The following BBS9 variants were observed in gnomAD, a reference collection of about 807,000 sequenced individuals.
BBS9 encodes the protein Bardet-Biedl syndrome 9, also known as protein PTHB1.
In BBS9, 89 loss-of-function variants were observed where a neutral mutation model predicts 117.7. The ratio of observed to expected loss-of-function variants is 0.76; its 90% CI spans 0.64 to 0.90. The LOEUF is 0.90. Ranked by LOEUF, BBS9 falls within the 40% of genes least tolerant of loss-of-function variation. The pLI is 0.00. For missense variants in BBS9, 982 were observed against 1,042.2 expected (o/e 0.94, Z 0.80); for synonymous variants, 379 against 370.9 (o/e 1.02, Z -0.25).
At chr7:33,521,714 T>C (rs1211779699) in intron 20 of BBS9, among the ~76,000 whole-genome samples, 1 of 152,136 alleles carries the variant, frequency 6.6e-6, no homozygotes, top group African/African-American at 2.4e-5. Context: ...TATTTTATTT[T>C]CTATTTTACA....
intron 20 of BBS9, among the ~76,000 whole-genome samples, chr7:33,506,834 C>T (rs1314180284): frequency 1.3e-5 from 2 of 152,034 alleles, no homozygotes; most frequent in African/African-American, 2.4e-5. Flanking sequence ...AGGTGATTGA[C>T]AAAATTGCGA....
chr7:33,569,360 A>G (rs929409750), intron 21 of BBS9, among the ~76,000 whole-genome samples: 13 of 150,690 alleles, frequency 8.6e-5, no homozygotes, highest in African/African-American at 2.4e-4. Context: ...ATCAAACTCA[A>G]TCAGAGGTTG....
chr7:33,516,187 G>A (rs1208776324), intron 20 of BBS9, among the ~76,000 whole-genome samples: 1 of 152,026 alleles, frequency 6.6e-6, no homozygotes, highest in Non-Finnish European at 1.5e-5. Context: ...GGGGAGAAAT[G>A]TCCTATAATT....
intron 19 of BBS9, among the ~76,000 whole-genome samples, chr7:33,388,624 T>C (rs1826476395): frequency 6.6e-6 from 1 of 152,202 alleles, no homozygotes; most frequent in Non-Finnish European, 1.5e-5. Flanking sequence ...CAAAAAGTTC[T>C]AGTTCAAAAT....
intron 5 of BBS9, chr7:33,242,925 C>T (rs1197988050): frequency 1.9e-6 from 1 of 518,474 alleles, no homozygotes; most frequent in Admixed American, 1.9e-5. Context: ...GAGTTCTGGC[C>T]CTGCTACTTA....
intron 21 of BBS9, chr7:33,534,458 A>G: frequency 2.1e-6 from 1 of 484,676 alleles, no homozygotes; most frequent in South Asian, 2.1e-5. Context: ...AAAGTGGATT[A>G]GAAGATAAAC....
rs568506674 is a variant in BBS9 at position 33,184,313 on chromosome 7, G to A, written c.442+6722G>A. On this transcript the variant is annotated intron_variant, in intron 5 of 22. Coordinates refer to ENST00000242067, the MANE Select transcript of BBS9 (RefSeq NM_198428.3). ...GCTTTCAAGTTTCCCCTTTTGGGGAGAAAAGAAGCTCCCCATGTCCGGTGA... is the reference window on the plus strand; with the variant it reads ...GCTTTCAAGTTTCCCCTTTTGGGGAAAAAAGAAGCTCCCCATGTCCGGTGA... Among the ~76,000 whole-genome samples, 170 of 152,290 alleles carry A rather than the reference G, an allele frequency of 1.1e-3. 4 individuals are homozygous for A. Among genetic ancestry groups the A allele is most frequent in the South Asian group, 3.3e-3 (16 of 4,828 alleles).
chr7:33,273,912 C>T lies in BBS9; in HGVS notation c.972C>T (p.Thr324=), dbSNP rs1435586206. 1.2e-6 allele frequency: 2 copies of T among 1,613,458 alleles called. No homozygotes were observed. Among genetic ancestry groups the T allele is most frequent in the Non-Finnish European group, 1.7e-6 (2 of 1,179,622 alleles). Residue 324 remains threonine, a synonymous_variant, in exon 9 of 23, where the codon ACC becomes ACT. Transcript: ENST00000242067. ...AAGATGTGACACTGAAGTGGGCCAC[C>T]CAACTTCCCCACATTCCTGTAGCAG... ...IYQDVTLKWA[T]QLPHIPVAVR...
chr7:33,310,091 T>C (rs1428750417), intron 9 of BBS9, among the ~76,000 whole-genome samples: 1 of 152,188 alleles, frequency 6.6e-6, no homozygotes, highest in African/African-American at 2.4e-5. Flanking sequence ...TGAGTAGCTG[T>C]CTCAAAATCC....
chr7:33,492,700 GC>G (rs540937527), intron 19 of BBS9, among the ~76,000 whole-genome samples: 240 of 152,082 alleles, frequency 1.6e-3, no homozygotes, highest in African/African-American at 5.4e-3. Context: ...GAATCTGTGG[GC>G]CCTTCACCCC....
chr7:33,470,035 T>G (rs1297885419), intron 19 of BBS9, among the ~76,000 whole-genome samples: 1 of 152,214 alleles, frequency 6.6e-6, no homozygotes, highest in Non-Finnish European at 1.5e-5. Flanking sequence ...GAGAAAGCCT[T>G]TGTTGGGCTT....
Position 33,453,683 on chromosome 7 carries a change from G to A in BBS9, c.2116-51780G>A, listed in dbSNP as rs190424566. Among the ~76,000 whole-genome samples, 247 of 151,934 alleles carry A rather than the reference G, an allele frequency of 1.6e-3. 1 individual carries two copies. Among genetic ancestry groups the A allele is most frequent in the African/African-American group, 5.4e-3 (222 of 41,450 alleles). Reference sequence around the variant, plus strand: ...ATTACAGGCATGCACCACCATGCCCGGCTAATTTTGTATGTTAGTAGAGAC... The same window carrying A: ...ATTACAGGCATGCACCACCATGCCCAGCTAATTTTGTATGTTAGTAGAGAC... On this transcript the variant is annotated intron_variant, in intron 19 of 22. Coordinates refer to ENST00000242067, the MANE Select transcript of BBS9 (RefSeq NM_198428.3).
chr7:33,297,163 A>G (rs1407073186), intron 9 of BBS9, among the ~76,000 whole-genome samples: 1 of 152,114 alleles, frequency 6.6e-6, no homozygotes, highest in East Asian at 1.9e-4. Flanking sequence ...CCAGGAGATG[A>G]CCTGTTGTGA....
At chr7:33,196,284 A>G (rs1784920976) in intron 5 of BBS9, among the ~76,000 whole-genome samples, 1 of 152,086 alleles carries the variant, frequency 6.6e-6, no homozygotes, top group Non-Finnish European at 1.5e-5. Context: ...TCAGCCTTCA[A>G]ATAACTTCTA....
intron 21 of BBS9, among the ~76,000 whole-genome samples, chr7:33,602,009 A>G (rs1863870819): frequency 1.3e-5 from 2 of 152,308 alleles, no homozygotes; most frequent in Admixed American, 6.5e-5. Context: ...TACTCCCAGT[A>G]TCAGTGATTT....
intron 9 of BBS9, among the ~76,000 whole-genome samples, chr7:33,313,961 G>T (rs1809889495): frequency 6.6e-6 from 1 of 152,214 alleles, no homozygotes; most frequent in Admixed American, 6.5e-5. Flanking sequence ...CTGGCTCCTG[G>T]GTTTTTGTGT....
chr7:33,535,356 G>A (rs566924990), intron 21 of BBS9, among the ~76,000 whole-genome samples: 4 of 152,250 alleles, frequency 2.6e-5, no homozygotes, highest in South Asian at 2.1e-4. Flanking sequence ...AATTATTATC[G>A]TTGTTATGGA....
At chr7:33,329,406 G>T (rs1308026566) in intron 9 of BBS9, among the ~76,000 whole-genome samples, 1 of 151,862 alleles carries the variant, frequency 6.6e-6, no homozygotes, top group African/African-American at 2.4e-5. Context: ...TTAACATTTA[G>T]GTATTTTTCC....
intron 20 of BBS9, among the ~76,000 whole-genome samples, chr7:33,530,821 T>A (rs914797222): frequency 1.3e-5 from 2 of 152,194 alleles, no homozygotes; most frequent in Non-Finnish European, 2.9e-5. Context: ...TTTCCTAACT[T>A]GCCTAGTGAC....
Sources: allele counts gnomAD v4.1 joint callset (sites outside exome capture counted in the v4.1 genomes callset), GRCh38; gene constraint gnomAD v4.1.1; transcripts MANE v1.5; gene names NCBI Gene and HGNC (gene_info 2026-07-23, HGNC 2026-07-21).